GDAP2: variants seen among roughly 807,000 people sequenced by gnomAD.
GDAP2 encodes the protein ganglioside induced differentiation associated protein 2.
A neutral mutation model predicts 67.0 loss-of-function variants in GDAP2; 51 were observed. That is an observed-to-expected ratio of 0.76 (90% CI 0.61 to 0.96). The LOEUF is 0.96. Ranked by LOEUF, GDAP2 falls within the 40% of genes least tolerant of loss-of-function variation. The pLI is 0.00. For synonymous variants in GDAP2, 203 were observed against 207.3 expected, an observed-to-expected ratio of 0.98 and a Z score of 0.18; for missense variants, 547 against 588.3, an observed-to-expected ratio of 0.93 and a Z score of 0.73.
At chr1:117,928,139 G>C (rs1171789839) in intron 1 of GDAP2, among the ~76,000 whole-genome samples, 1 of 152,016 alleles carries the variant, frequency 6.6e-6, no homozygotes, top group African/African-American at 2.4e-5. Flanking sequence ...CCGTGTTCAA[G>C]ATTTTATTTA....
intron 6 of GDAP2, among the ~76,000 whole-genome samples, chr1:117,905,632 A>C (rs1404382358): frequency 6.6e-6 from 1 of 152,220 alleles, no homozygotes; most frequent in Non-Finnish European, 1.5e-5. Flanking sequence ...AGGCTCCTTG[A>C]GGAAACAACC....
chr1:117,900,653 C>A (rs1479186199), intron 6 of GDAP2, among the ~76,000 whole-genome samples: 2 of 151,676 alleles, frequency 1.3e-5, no homozygotes, highest in Admixed American at 6.6e-5. Flanking sequence ...ATAGTCCCAG[C>A]TACTCGGGAG....
chr1:117,924,037 G>C (rs543311338), intron 1 of GDAP2, among the ~76,000 whole-genome samples: 23 of 152,258 alleles, frequency 1.5e-4, no homozygotes, highest in African/African-American at 4.8e-4. Flanking sequence ...AAAATTTCTT[G>C]TTAGTAGTCA....
At chr1:117,908,867 T>C (rs1649753611) in intron 5 of GDAP2, among the ~76,000 whole-genome samples, 1 of 152,072 alleles carries the variant, frequency 6.6e-6, no homozygotes, top group East Asian at 1.9e-4. Context: ...AAAGATTTTC[T>C]GTTTCCTATT....
intron 1 of GDAP2, among the ~76,000 whole-genome samples, chr1:117,922,309 A>G (rs1650280757): frequency 6.6e-6 from 1 of 152,168 alleles, no homozygotes; most frequent in Non-Finnish European, 1.5e-5. Flanking sequence ...GAAAGAGGAC[A>G]AGTCAGAAAG....
intron 10 of GDAP2, among the ~76,000 whole-genome samples, chr1:117,886,317 C>T (rs530426135): frequency 5.1e-4 from 77 of 152,230 alleles, no homozygotes; most frequent in African/African-American, 1.7e-3. Flanking sequence ...TTACTAGTTA[C>T]ATCATATCCA....
intron 13 of GDAP2, among the ~76,000 whole-genome samples, chr1:117,875,197 A>T (rs766867610): frequency 1.5e-4 from 23 of 152,232 alleles, no homozygotes; most frequent in Non-Finnish European, 2.4e-4. Context: ...CTCGCATCAC[A>T]GACCCAGAGG....
At chr1:117,905,159 C>T (rs972077124) in intron 6 of GDAP2, among the ~76,000 whole-genome samples, 12 of 152,124 alleles carry the variant, frequency 7.9e-5, no homozygotes, top group African/African-American at 2.9e-4. Context: ...CTCTTCTTGC[C>T]ATTAGTCTTT....
intron 1 of GDAP2, among the ~76,000 whole-genome samples, chr1:117,923,332 G>A (rs1037157991): frequency 1.3e-5 from 2 of 152,166 alleles, no homozygotes; most frequent in Non-Finnish European, 2.9e-5. Context: ...TTGGGGAAGT[G>A]ATAAATGTCC....
intron 12 of GDAP2, among the ~76,000 whole-genome samples, chr1:117,878,759 A>T (rs1221751987): frequency 6.6e-6 from 1 of 152,208 alleles, no homozygotes; most frequent in African/African-American, 2.4e-5. Flanking sequence ...TTGGTTCCCA[A>T]AAAAAGGATA....
chr1:117,906,936 A>T (rs1359335015), intron 5 of GDAP2, among the ~76,000 whole-genome samples: 1 of 152,066 alleles, frequency 6.6e-6, no homozygotes, highest in East Asian at 1.9e-4. Flanking sequence ...GAAGATGCTG[A>T]CTCTATACAA....
intron 4 of GDAP2, 104 bp downstream of exon 4, chr1:117,912,426 C>T (rs1649888336): frequency 2.0e-6 from 2 of 990,478 alleles, no homozygotes. Context: ...ATTTGACTTC[C>T]ACTGCTAGGT....
chr1:117,875,367 C>T (rs911271356), intron 13 of GDAP2, among the ~76,000 whole-genome samples: 2 of 152,208 alleles, frequency 1.3e-5, no homozygotes, highest in Admixed American at 1.3e-4. Context: ...TTGGTGGCTT[C>T]CATGTGGTGT....
At chr1:117,901,328 T>C (rs1373490391) in intron 6 of GDAP2, among the ~76,000 whole-genome samples, 2 of 152,242 alleles carry the variant, frequency 1.3e-5, no homozygotes, top group Non-Finnish European at 2.9e-5. Flanking sequence ...TACAGATATT[T>C]GTGTACAAGT....
At chr1:117,885,610 G>T (rs1287454371) in intron 10 of GDAP2, among the ~76,000 whole-genome samples, 1 of 152,100 alleles carries the variant, frequency 6.6e-6, no homozygotes, top group African/African-American at 2.4e-5. Context: ...ATGACCCTGT[G>T]AATAATATGC....
At chr1:117,875,348 C>T (rs1198352787) in intron 13 of GDAP2, among the ~76,000 whole-genome samples, 4 of 152,218 alleles carry the variant, frequency 2.6e-5, no homozygotes, top group Non-Finnish European at 5.9e-5. Flanking sequence ...AGGGTGCAAG[C>T]TATAAGCTTT....
intron 13 of GDAP2, among the ~76,000 whole-genome samples, chr1:117,877,055 A>G (rs1219443180): frequency 6.6e-6 from 1 of 152,160 alleles, no homozygotes; most frequent in Admixed American, 6.5e-5. Context: ...TCTCTTTCCT[A>G]TATTCAACAA....
At chr1:117,924,147 T>C (rs1354888796) in intron 1 of GDAP2, among the ~76,000 whole-genome samples, 1 of 152,246 alleles carries the variant, frequency 6.6e-6, no homozygotes, top group Admixed American at 6.5e-5. Context: ...TTTTAACTTT[T>C]AGGTTCAGAG....
At position 117,868,398 on chromosome 1, in the gene GDAP2, T is replaced by G. The variant is rs367610582; in HGVS notation, c.*2171A>C. 6 of 152,176 alleles carry G rather than the reference T, an allele frequency of 3.9e-5. No homozygotes were observed. The highest frequency in any genetic ancestry group is 7.3e-5 in the Non-Finnish European group (5 of 68,030). 9.4% of individuals were successfully genotyped at this position (152,176 alleles called of 1,614,324 possible). On this transcript the variant is annotated 3_prime_UTR_variant, in exon 14 of 14. Transcript: ENST00000369443. ...TCACCTTTATACCCTAGGACATCAA[T>G]TGTACTAAAATCTCAGCATATGTAG... is the stretch of plus-strand genomic sequence containing the variant.
Sources: allele counts gnomAD v4.1 joint callset (sites outside exome capture counted in the v4.1 genomes callset), GRCh38; gene constraint gnomAD v4.1.1; transcripts MANE v1.5; gene names NCBI Gene and HGNC (gene_info 2026-07-23, HGNC 2026-07-21).